The following CUL2 variants were observed in gnomAD, a reference collection of about 807,000 sequenced individuals.
CUL2 encodes cullin 2.
CUL2 carries 22 observed loss-of-function variants against 110.2 expected under a neutral mutation model. The ratio of observed to expected loss-of-function variants is 0.20; its 90% CI spans 0.14 to 0.28. The LOEUF is 0.28. Among genes scored for constraint, CUL2 ranks in the 10% least tolerant of loss-of-function variants. CUL2 has a pLI of 1.00. For synonymous variants in CUL2, 279 were observed against 293.2 expected (o/e 0.95, Z 0.49); for missense variants, 631 against 905.5 (o/e 0.70, Z 3.89).
chr10:35,071,172 T>C (rs775645873), intron 2 of CUL2, 27 bp downstream of exon 2: 29 of 1,602,702 alleles, frequency 1.8e-5, no homozygotes, highest in African/African-American at 5.4e-5. Flanking sequence ...TTTTAGAACA[T>C]TGATCAAGCT....
intron 1 of CUL2, among the ~76,000 whole-genome samples, chr10:35,076,533 T>C (rs972270298): frequency 2.0e-5 from 3 of 152,088 alleles, no homozygotes; most frequent in South Asian, 2.1e-4. Context: ...TCATTTAGCA[T>C]AAAATTCTGA....
chr10:35,044,247 A>G (rs1056733188), intron 8 of CUL2, among the ~76,000 whole-genome samples: 2 of 152,016 alleles, frequency 1.3e-5, no homozygotes, highest in Non-Finnish European at 2.9e-5. Flanking sequence ...TAAACTAACC[A>G]CTAAGCATGA....
At position 35,031,882 on chromosome 10, in the gene CUL2, A is replaced by C. The variant is rs1160185853; in HGVS notation, c.1171-263T>G. On this transcript the variant is annotated intron_variant, in intron 12 of 20. Coordinates refer to ENST00000374749, the MANE Select transcript of CUL2 (RefSeq NM_003591.4). This position sits in a 1 kb window ranked among gnomAD's most constrained non-coding sequence, Gnocchi z 4.4. ...GACTACAGGCATGCACAACCACACC[A>C]GGCTTCTAAAGCTTTATGTAATAAT... Among the ~76,000 whole-genome samples, 1 of 152,160 alleles carries C rather than the reference A, an allele frequency of 6.6e-6. No individual in the cohort carries two copies. Among genetic ancestry groups the C allele is most frequent in the Non-Finnish European group, 1.5e-5 (1 of 68,026 alleles).
Position 35,009,892 on chromosome 10 carries a change from G to A in CUL2, c.*419C>T, listed in dbSNP as rs2084856743. 6.6e-6 allele frequency: 1 copy of A among 150,384 alleles called. No homozygotes were observed. The highest frequency in any genetic ancestry group is 6.7e-5 in the Admixed American group (1 of 15,006). 9.3% of individuals were successfully genotyped at this position (150,384 alleles called of 1,614,324 possible). On this transcript the variant is annotated 3_prime_UTR_variant, in exon 21 of 21. Coordinates refer to ENST00000374749, the MANE Select transcript of CUL2 (RefSeq NM_003591.4). ...TTATTTTTTTTTTATTTGACAAGCA[G>A]CAGTATCATGTTTGTCATTTTAATG...
chr10:35,039,412 G>T (rs1320427000), intron 8 of CUL2, among the ~76,000 whole-genome samples: 2 of 144,360 alleles, frequency 1.4e-5, no homozygotes, highest in Non-Finnish European at 3.1e-5. Flanking sequence ...ATTAAATTCA[G>T]AACAGGTGAT....
chr10:35,060,958 T>C lies in CUL2; in HGVS notation c.233A>G (p.Glu78Gly). Reference protein sequence around the residue: ...HVRHLHKRVLESEEQVLVMYH... With the variant: ...HVRHLHKRVLGSEEQVLVMYH... ...CATAACAAGTACTTGTTCTTCTGAC[T>C]CCAAAACTCTCTATATAAAGAGGAA... The change falls in exon 4 of 21, where the codon GAG (glutamate) becomes GGG (glycine). Residue 78 changes from glutamate to glycine, a missense_variant. By Grantham distance (98) the Glu-to-Gly change is moderately conservative. Coordinates refer to ENST00000374749, the MANE Select transcript of CUL2 (RefSeq NM_003591.4). 6.2e-7 allele frequency: 1 copy of C among 1,611,492 alleles called. No homozygotes were observed. Among genetic ancestry groups the C allele is most frequent in the South Asian group, 1.1e-5 (1 of 90,258 alleles).
intron 9 of CUL2, among the ~76,000 whole-genome samples, chr10:35,036,097 C>T (rs1349872082): frequency 2.0e-5 from 3 of 152,214 alleles, no homozygotes; most frequent in Non-Finnish European, 2.9e-5. Flanking sequence ...CAGGAGTCCC[C>T]TTCATGCCTC....
At chr10:35,048,151 T>C (rs2085999553) in intron 6 of CUL2, among the ~76,000 whole-genome samples, 1 of 152,170 alleles carries the variant, frequency 6.6e-6, no homozygotes, top group South Asian at 2.1e-4. Context: ...ATGCTTGGTA[T>C]GTAGTTCCCA....
chr10:35,120,347 A>G (rs1046468669), intron 1 of CUL2: 3 of 152,352 alleles, frequency 2.0e-5, no homozygotes, highest in African/African-American at 7.2e-5. Flanking sequence ...ACTGCACTCC[A>G]GCCTGGGTGA....
intron 1 of CUL2, among the ~76,000 whole-genome samples, chr10:35,085,894 T>C (rs1187501246): frequency 2.0e-5 from 3 of 152,160 alleles, no homozygotes; most frequent in Non-Finnish European, 2.9e-5. Context: ...TGAAAAACGG[T>C]TGGGTACTAT....
intron 16 of CUL2, 127 bp from the exon 17 acceptor site, chr10:35,025,325 ACCTC>A (rs760496169): frequency 5.9e-5 from 77 of 1,301,496 alleles, no homozygotes; most frequent in Non-Finnish European, 7.4e-5. Flanking sequence ...CATCTGGTTT[ACCTC>A]CTTCTTTTAC....
In CUL2 at chr10:35,032,088, A is replaced by T. The variant is rs1014176397; in HGVS notation, c.1170+347T>A. Among the ~76,000 whole-genome samples, 5 of 152,172 alleles carry T rather than the reference A, an allele frequency of 3.3e-5. No individual in the cohort carries two copies. In the South Asian group the frequency reaches 8.3e-4, roughly 25 times the overall value. On this transcript the variant is annotated intron_variant, in intron 12 of 20. Coordinates refer to ENST00000374749, the MANE Select transcript of CUL2 (RefSeq NM_003591.4). ...ATTTTTGACATTGAACAAGTACTTT[A>T]AAAAAAAGTTACAAAAATCTTGTAA...
At chr10:35,058,721 AACCAT>A (rs1384002335) in intron 4 of CUL2, among the ~76,000 whole-genome samples, 3 of 152,218 alleles carry the variant, frequency 2.0e-5, no homozygotes, top group African/African-American at 7.2e-5. Flanking sequence ...ACAAGTAGGT[AACCAT>A]TTGCCTCACT....
rs373965981 is a variant in CUL2, at chr10:35,011,882, C to T, written c.2072G>A (p.Arg691Gln). 5 of 1,613,284 alleles carry T rather than the reference C, an allele frequency of 3.1e-6. No homozygotes were observed. The highest frequency in any genetic ancestry group is 4.2e-6 in the Non-Finnish European group (5 of 1,179,396). The change falls in exon 20 of 21, where the codon CGA (arginine) becomes CAA (glutamine). Residue 691 changes from arginine (R) to glutamine (Q), a missense_variant. Physicochemically the swap from Arg to Gln is conservative, Grantham distance 43. Transcript: ENST00000374749. ...QAAIVRIMKA[R>Q]KVLRHNALIQ... ...AAGGGCATTGTGCCGAAGCACTTTTCGTGCTTTCATGATACGAACTATAGC... is the reference window on the plus strand; with the variant it reads ...AAGGGCATTGTGCCGAAGCACTTTTTGTGCTTTCATGATACGAACTATAGC...
At chr10:35,077,758 G>A (rs1043877594) in intron 1 of CUL2, among the ~76,000 whole-genome samples, 2 of 150,794 alleles carry the variant, frequency 1.3e-5, no homozygotes, top group African/African-American at 2.4e-5. Flanking sequence ...CGGGGGTTGC[G>A]GTGAGTCGAG....
intron 2 of CUL2, among the ~76,000 whole-genome samples, chr10:35,099,039 C>T (rs1366215333): frequency 6.6e-6 from 1 of 152,092 alleles, no homozygotes; most frequent in East Asian, 1.9e-4. Flanking sequence ...AGCTAATTCA[C>T]AGAAAGAACA....
chr10:35,103,951 G>A (rs1344433095), intron 1 of CUL2, among the ~76,000 whole-genome samples: 1 of 151,924 alleles, frequency 6.6e-6, no homozygotes, highest in African/African-American at 2.4e-5. Flanking sequence ...ATGTAAAAAT[G>A]CAAATAAAAA....
intron 6 of CUL2, among the ~76,000 whole-genome samples, chr10:35,045,216 G>A (rs903820087): frequency 2.0e-5 from 3 of 152,126 alleles, no homozygotes; most frequent in African/African-American, 4.8e-5. Flanking sequence ...AAGAATGCTT[G>A]ATTTTCACTC....
At chr10:35,025,228 T>G in intron 16 of CUL2, 30 bp from the exon 17 acceptor site, 1 of 1,545,326 alleles carries the variant, frequency 6.5e-7, no homozygotes, top group Non-Finnish European at 8.7e-7. Flanking sequence ...ACACACATTA[T>G]TTTTAGCTAC....
Sources: gnomAD v4.1 joint callset for allele counts (sites outside exome capture counted in the v4.1 genomes callset) on GRCh38, gnomAD v4.1.1 for gene constraint, Gnocchi (gnomAD v3.1) non-coding constraint, MANE v1.5 for transcripts, NCBI Gene and HGNC (gene_info 2026-07-23, HGNC 2026-07-21) for gene names.